The following UGT1A6 variants were observed in gnomAD, a reference collection of about 807,000 sequenced individuals.
UGT1A6 encodes UDP-glucuronosyltransferase 1A6.
UGT1A6 carries 32 observed loss-of-function variants against 44.4 expected under a neutral mutation model. That is an observed-to-expected ratio of 0.72 (90% CI 0.54 to 0.97). The LOEUF (loss-of-function observed/expected upper bound fraction) is 0.97, where lower values mean the gene tolerates loss of function less well. Among genes scored for constraint, UGT1A6 ranks in the 50% least tolerant of loss-of-function variants. The pLI is 0.00. For missense variants in UGT1A6, 685 were observed against 661.9 expected, an observed-to-expected ratio of 1.03 and a Z score of -0.38; for synonymous variants, 238 against 248.5, an observed-to-expected ratio of 0.96 and a Z score of 0.40.
At chr2:233,695,151 G>C (rs1363691382) in intron 1 of UGT1A6, among the ~76,000 whole-genome samples, 1 of 74,088 alleles carries the variant, frequency 1.3e-5, no homozygotes, top group Non-Finnish European at 2.9e-5. Flanking sequence ...TTTTGAGACA[G>C]AGTCTCACTC....
At chr2:233,708,451 T>G (rs1007401152) in intron 1 of UGT1A6, 1 of 152,222 alleles carries the variant, frequency 6.6e-6, no homozygotes, top group African/African-American at 2.4e-5. Context: ...CTTCTGCATT[T>G]AATAGAATTG....
intron 1 of UGT1A6, chr2:233,717,680 G>T: frequency 2.3e-6 from 1 of 437,998 alleles, no homozygotes; most frequent in Admixed American, 2.4e-5. Context: ...GCGAGCACAT[G>T]TAGGAGTGAC....
Position 233,769,477 on chromosome 2 carries a change from G to T in UGT1A6, c.1301+1038G>T. The T allele has an allele frequency of 6.2e-7, 1 of 1,611,324 alleles. No individual in the cohort carries two copies. The highest frequency in any genetic ancestry group is 8.5e-7 in the Non-Finnish European group (1 of 1,178,664). On this transcript the variant is annotated intron_variant, in intron 4 of 4. Coordinates refer to ENST00000305139, the MANE Select transcript of UGT1A6 (RefSeq NM_001072.4). This position sits in a 1 kb window ranked among gnomAD's most constrained non-coding sequence, Gnocchi z 4.4. Reference sequence around the variant, plus strand: ...TGCATTCATATGCGTGTGTGTGTGTGTGCGTGTGTTTATGAGAGTGTCCAT... The same window carrying T: ...TGCATTCATATGCGTGTGTGTGTGTTTGCGTGTGTTTATGAGAGTGTCCAT...
At chr2:233,754,911 T>G (rs1467040876) in intron 1 of UGT1A6, 5 of 1,353,490 alleles carry the variant, frequency 3.7e-6, no homozygotes, top group Non-Finnish European at 5.0e-6. Flanking sequence ...CAAAATATTC[T>G]CCAGCGGGTT....
chr2:233,693,704 T>A lies in UGT1A6; in HGVS notation c.700T>A (p.Ser234Thr). ...CLFSKYEELA[S>T]AVLKRDVDII... is the part of the protein sequence containing the mutation. ...GTTTTCAAAGTATGAAGAACTCGCA[T>A]CAGCTGTCCTCAAGAGAGATGTGGA... is the stretch of plus-strand genomic sequence containing the variant. The change falls in exon 1 of 5, where the codon TCA (serine) becomes ACA (threonine). Residue 234 changes from serine to threonine, a missense_variant. Physicochemically the swap from Ser to Thr is moderately conservative, Grantham distance 58. Coordinates refer to ENST00000305139, the MANE Select transcript of UGT1A6 (RefSeq NM_001072.4). 1 of 1,614,252 alleles carries A rather than the reference T, an allele frequency of 6.2e-7. No individual in the cohort carries two copies. Among genetic ancestry groups the A allele is most frequent in the Non-Finnish European group, 8.5e-7 (1 of 1,180,052 alleles).
rs1339801155 is a variant in UGT1A6, at chr2:233,693,167, G to A, written c.163G>A (p.Glu55Lys). 4 of 1,614,062 alleles carry A rather than the reference G, an allele frequency of 2.5e-6. No individual in the cohort carries two copies. Among genetic ancestry groups the A allele is most frequent in the Non-Finnish European group, 3.4e-6 (4 of 1,180,000 alleles). ...TGAGGTTCTCAGTGACCGGGGTCAT[G>A]AGATTGTAGTGGTGGTGCCTGAAGT... ...IVEVLSDRGH[E>K]IVVVVPEVNL... Residue 55 changes from glutamate to lysine, a missense_variant, in exon 1 of 5, where the codon GAG becomes AAG. Coordinates refer to ENST00000305139, the MANE Select transcript of UGT1A6 (RefSeq NM_001072.4).
chr2:233,697,083 C>G (rs1335387953), intron 1 of UGT1A6, among the ~76,000 whole-genome samples: 1 of 151,984 alleles, frequency 6.6e-6, no homozygotes, highest in Non-Finnish European at 1.5e-5. Context: ...CAGGGTAACA[C>G]TGGTCTCACA....
intron 1 of UGT1A6, among the ~76,000 whole-genome samples, chr2:233,745,961 G>C (rs1163113013): frequency 6.6e-6 from 1 of 151,702 alleles, no homozygotes; most frequent in Non-Finnish European, 1.5e-5. Context: ...TGGGGGACAG[G>C]GGCCCTGAAA....
chr2:233,724,371 C>T (rs1285685419), intron 1 of UGT1A6, among the ~76,000 whole-genome samples: 4 of 147,620 alleles, frequency 2.7e-5, no homozygotes, highest in African/African-American at 1.0e-4. Flanking sequence ...GACGGGGTGG[C>T]TGCCGGGCGG....
intron 1 of UGT1A6, chr2:233,753,062 C>G (rs746941166): frequency 3.9e-5 from 6 of 152,186 alleles, no homozygotes; most frequent in African/African-American, 4.8e-5. Flanking sequence ...TGCCTTCCTC[C>G]CACCTCAAAA....
intron 3 of UGT1A6, 43 bp from the exon 4 acceptor site, chr2:233,768,177 T>A (rs371628620): frequency 6.8e-6 from 11 of 1,613,824 alleles, no homozygotes; most frequent in Non-Finnish European, 9.3e-6. Flanking sequence ...GCTGTGAAAC[T>A]CAGAGATGTA....
intron 1 of UGT1A6, among the ~76,000 whole-genome samples, chr2:233,738,788 G>T (rs1333447117): frequency 6.6e-6 from 1 of 152,238 alleles, no homozygotes; most frequent in Admixed American, 6.5e-5. Flanking sequence ...ATTCAAGCCA[G>T]ATGCAGAAAT....
chr2:233,736,836 A>T (rs1170480165), intron 1 of UGT1A6, among the ~76,000 whole-genome samples: 1 of 152,200 alleles, frequency 6.6e-6, no homozygotes, highest in Admixed American at 6.5e-5. Context: ...TTGCTTTGGT[A>T]TCACCAGTGG....
chr2:233,757,904 G>A (rs539067389), intron 1 of UGT1A6, among the ~76,000 whole-genome samples: 3 of 152,170 alleles, frequency 2.0e-5, no homozygotes, highest in African/African-American at 4.8e-5. Context: ...TTCCATGGAC[G>A]TGTCACTCTT....
rs1357071651 is a variant in UGT1A6, at chr2:233,768,553, A to G, written c.1301+114A>G. The G allele has an allele frequency of 2.0e-6, 3 of 1,477,264 alleles. No individual in the cohort carries two copies. The Admixed American group carries it at 8.1e-5, about 40-fold the overall frequency. 91.5% of individuals were successfully genotyped at this position (1,477,264 alleles called of 1,614,324 possible). A position where few individuals can be genotyped will look rare whatever the true frequency, so the allele number is the denominator to read the frequency against. On this transcript the variant is annotated intron_variant, in intron 4 of 4. Coordinates refer to ENST00000305139, the MANE Select transcript of UGT1A6 (RefSeq NM_001072.4). ...AGCGTTGTTTCAAATATAAAAACAA[A>G]TACATAAAAATCTGGATTTTTATTT...
chr2:233,749,635 C>T lies in UGT1A6; in HGVS notation c.862-17399C>T, dbSNP rs755546951. ...CATGATTTGGCTCTGTATCCCCCAC[C>T]AAATCTCATCTTGAATTGTAATCCC... is the stretch of plus-strand genomic sequence containing the variant. On this transcript the variant is annotated intron_variant, in intron 1 of 4. Coordinates refer to ENST00000305139, the MANE Select transcript of UGT1A6 (RefSeq NM_001072.4). 1.1e-4 allele frequency among the ~76,000 whole-genome samples: 17 copies of T among 151,816 alleles called. 3 individuals are homozygous for T. Among genetic ancestry groups the T allele is most frequent in the Admixed American group, 3.3e-4 (5 of 15,276 alleles).
chr2:233,765,894 C>T (rs527736361), intron 1 of UGT1A6, among the ~76,000 whole-genome samples: 4 of 152,178 alleles, frequency 2.6e-5, no homozygotes, highest in African/African-American at 9.6e-5. Context: ...CAGTGCGCCA[C>T]TGCTCAAACC....
At position 233,707,370 on chromosome 2, in the gene UGT1A6, A is replaced by C. The variant is rs567793964; in HGVS notation, c.861+13505A>C. ...AGATCAACCCATCACCTAGGTATTA[A>C]GCTCAGCATCCATGAGCTATTCTTT... On this transcript the variant is annotated intron_variant, in intron 1 of 4. Coordinates refer to ENST00000305139, the MANE Select transcript of UGT1A6 (RefSeq NM_001072.4). Among the ~76,000 whole-genome samples the C allele has an allele frequency of 3.9e-5, 6 of 152,172 alleles. No homozygotes were observed. The South Asian group carries it at 1.2e-3, about 32-fold the overall frequency.
chr2:233,693,244 G>C lies in UGT1A6; in HGVS notation c.240G>C (p.Val80=), dbSNP rs768201260. Residue 80 remains valine (V), a synonymous_variant, in exon 1 of 5, where the codon GTG becomes GTC. Transcript: ENST00000305139. ...SKYYTRKIYP[V]PYDQEELKNR... is the part of the protein sequence containing the mutation. ...ACTACACAAGAAAAATCTATCCAGT[G>C]CCGTATGACCAAGAAGAGCTGAAGA... is the stretch of plus-strand genomic sequence containing the variant. The C allele has an allele frequency of 1.2e-6, 2 of 1,614,170 alleles. No homozygotes were observed. Among genetic ancestry groups the C allele is most frequent in the Non-Finnish European group, 8.5e-7 (1 of 1,180,026 alleles).
Sources: allele counts gnomAD v4.1 joint callset (sites outside exome capture counted in the v4.1 genomes callset), GRCh38; gene constraint gnomAD v4.1.1; non-coding constraint Gnocchi (gnomAD v3.1); transcripts MANE v1.5; gene names NCBI Gene and HGNC (gene_info 2026-07-23, HGNC 2026-07-21).